Variants in AGPAT4 observed in about 807,000 individuals in gnomAD.
AGPAT4 encodes 1-acylglycerol-3-phosphate O-acyltransferase 4.
In AGPAT4, 15 loss-of-function variants were observed where a neutral mutation model predicts 48.0. The observed-to-expected ratio is 0.31, with a 90% CI of 0.21 to 0.48. The LOEUF (loss-of-function observed/expected upper bound fraction) is 0.48. AGPAT4 is among the 20% of genes least tolerant of loss of function. The pLI is 0.99. For missense variants in AGPAT4, 314 were observed against 482.5 expected, an observed-to-expected ratio of 0.65 and a Z score of 3.27; for synonymous variants, 178 against 198.7, an observed-to-expected ratio of 0.90 and a Z score of 0.88.
intron 2 of AGPAT4, among the ~76,000 whole-genome samples, chr6:161,224,985 G>A (rs1781933324): frequency 6.6e-6 from 1 of 151,972 alleles, no homozygotes; most frequent in African/African-American, 2.4e-5. Context: ...TCGATTACCT[G>A]CTCCACCCTG....
rs904423707 is a variant in AGPAT4, at chr6:161,222,246, T to C, written c.178+9790A>G. 6.6e-6 allele frequency among the ~76,000 whole-genome samples: 1 copy of C among 152,248 alleles called. No homozygotes were observed. The highest frequency in any genetic ancestry group is 2.4e-5 in the African/African-American group (1 of 41,462). On this transcript the variant is annotated intron_variant, in intron 2 of 8. Transcript: ENST00000320285. The surrounding 1 kb of genome is among the most constrained non-coding windows in gnomAD (Gnocchi z 5.9). ...ACAATGGGCTCACTTTATATTTTCCTTTTCTACTCATTCCATAAGCTGTTC... is the reference window on the plus strand; with the variant it reads ...ACAATGGGCTCACTTTATATTTTCCCTTTCTACTCATTCCATAAGCTGTTC...
At position 161,220,271 on chromosome 6, in the gene AGPAT4, G is replaced by A. The variant is rs1397784680; in HGVS notation, c.178+11765C>T. ...CTTTCTCCTAAATAAACAAAAATGT[G>A]TTGGCATGAAGGGTTCATTTTGGAA... is the stretch of plus-strand genomic sequence containing the variant. On this transcript the variant is annotated intron_variant, in intron 2 of 8. Transcript: ENST00000320285. This position sits in a 1 kb window ranked among gnomAD's most constrained non-coding sequence, Gnocchi z 6.0. 2.0e-5 allele frequency among the ~76,000 whole-genome samples: 3 copies of A among 152,126 alleles called. No homozygotes were observed. Among genetic ancestry groups the A allele is most frequent in the African/African-American group, 7.2e-5 (3 of 41,406 alleles).
In AGPAT4 at chr6:161,136,581, C is replaced by T. The variant is rs1779073850; in HGVS notation, c.1096G>A (p.Ala366Thr). The change falls in exon 9 of 9, where the codon GCC becomes ACC. Residue 366 changes from alanine to threonine, a missense_variant. Physicochemically the swap from Ala to Thr is moderately conservative, Grantham distance 58 (BLOSUM62 0). Transcript: ENST00000320285. The part of the protein sequence containing the change: ...IGVTEIDKGS[A>T]YGNSDSKQKL... Reference sequence around the variant, plus strand: ...TGCTTGCTGTCAGAGTTGCCGTAGGCAGAGCCCTTGTCAATTTCCGTCACA... The same window carrying T: ...TGCTTGCTGTCAGAGTTGCCGTAGGTAGAGCCCTTGTCAATTTCCGTCACA... 1.9e-6 allele frequency: 3 copies of T among 1,614,104 alleles called. No homozygotes were observed. Among genetic ancestry groups the T allele is most frequent in the Non-Finnish European group, 2.5e-6 (3 of 1,180,054 alleles).
Position 161,219,863 on chromosome 6 carries a change from A to AGG in AGPAT4, c.178+12172_178+12173insCC. On this transcript the variant is annotated intron_variant, in intron 2 of 8. Coordinates refer to ENST00000320285, the MANE Select transcript of AGPAT4 (RefSeq NM_020133.3). This position sits in a 1 kb window ranked among gnomAD's most constrained non-coding sequence, Gnocchi z 4.9. ...GATAGATAGATAGATAGATAGATAG[A>AGG]TAGATAGATAGGCAGGCAGGCAGGC... 8.4e-6 allele frequency among the ~76,000 whole-genome samples: 1 copy of AGG among 119,310 alleles called. No homozygotes were observed. Among genetic ancestry groups the AGG allele is most frequent in the Non-Finnish European group, 1.7e-5 (1 of 57,546 alleles). The allele number at this position is 119,310 out of a possible 152,430, so 78.3% of individuals were successfully genotyped here.
At chr6:161,260,012 G>A (rs539766953) in intron 1 of AGPAT4, among the ~76,000 whole-genome samples, 65 of 152,202 alleles carry the variant, frequency 4.3e-4, no homozygotes, top group African/African-American at 1.2e-3. Context: ...GGGAGTCTCT[G>A]GAAGTGAACT....
intron 1 of AGPAT4, among the ~76,000 whole-genome samples, chr6:161,260,598 G>A (rs935302527): frequency 7.1e-6 from 1 of 141,234 alleles, no homozygotes; most frequent in African/African-American, 2.7e-5. Context: ...GGAGGTTGCA[G>A]TGAGCCAAGA....
Position 161,153,506 on chromosome 6 carries a change from G to A in AGPAT4, c.511-7C>T, listed in dbSNP as rs747963809. On this transcript the variant is annotated splice_polypyrimidine_tract_variant and splice_region_variant and intron_variant, in intron 4 of 8. Coordinates refer to ENST00000320285, the MANE Select transcript of AGPAT4 (RefSeq NM_020133.3). ...CCTCACAGTGAATCAGGAACTGGAA[G>A]GAAGGAGGCAGGAGTCGCACGCAGC... The A allele has an allele frequency of 2.4e-5, 39 of 1,613,308 alleles. No individual in the cohort carries two copies. Among genetic ancestry groups the A allele is most frequent in the Non-Finnish European group, 3.1e-5 (37 of 1,179,804 alleles).
At chr6:161,179,647 G>A (rs1780531129) in intron 2 of AGPAT4, among the ~76,000 whole-genome samples, 1 of 152,076 alleles carries the variant, frequency 6.6e-6, no homozygotes, top group Non-Finnish European at 1.5e-5. Context: ...TGCCACCCCT[G>A]AGACAGCAAG....
chr6:161,189,316 G>A lies in AGPAT4; in HGVS notation c.179-22899C>T, dbSNP rs561295724. Among the ~76,000 whole-genome samples, 13 of 152,270 alleles carry A rather than the reference G, an allele frequency of 8.5e-5. No homozygotes were observed. Among genetic ancestry groups the A allele is most frequent in the African/African-American group, 3.1e-4 (13 of 41,550 alleles). ...AAGTCTAATGAGTGTGCCAAGACCA[G>A]CAGGGTGCCCTGAGGTCACAGCTCA... On this transcript the variant is annotated intron_variant, in intron 2 of 8. Coordinates refer to ENST00000320285, the MANE Select transcript of AGPAT4 (RefSeq NM_020133.3). This position sits in a 1 kb window ranked among gnomAD's most constrained non-coding sequence, Gnocchi z 5.3.
chr6:161,136,723 G>T (rs1275612271), intron 8 of AGPAT4, 89 bp from the exon 9 acceptor site: 2 of 1,140,540 alleles, frequency 1.8e-6, no homozygotes, highest in East Asian at 2.4e-5. Context: ...GCCCGTGGCC[G>T]CAAATCACAA....
At chr6:161,248,457 C>G (rs1297741901) in intron 1 of AGPAT4, among the ~76,000 whole-genome samples, 3 of 151,568 alleles carry the variant, frequency 2.0e-5, no homozygotes, top group Non-Finnish European at 2.9e-5. Context: ...CCCTGTAGTC[C>G]CAGCTCCTCG....
intron 1 of AGPAT4, among the ~76,000 whole-genome samples, chr6:161,265,436 AG>A (rs1362845826): frequency 2.1e-4 from 31 of 145,702 alleles, no homozygotes; most frequent in Non-Finnish European, 4.1e-4. Flanking sequence ...GGTGCTGACT[AG>A]TACCCACCGC....
chr6:161,187,288 A>G (rs1198332751), intron 2 of AGPAT4, among the ~76,000 whole-genome samples: 3 of 152,128 alleles, frequency 2.0e-5, no homozygotes, highest in African/African-American at 7.2e-5. Context: ...TTCTTCTACC[A>G]TAGAGTGTGC....
chr6:161,267,533 G>C lies in AGPAT4; in HGVS notation c.-90+6405C>G, dbSNP rs1582923524. ...GTTCGAGACCAGCCTGGCCAACATGGGGAAACCCTGTCTCTACTAAAAATA... is the reference window on the plus strand; with the variant it reads ...GTTCGAGACCAGCCTGGCCAACATGCGGAAACCCTGTCTCTACTAAAAATA... On this transcript the variant is annotated intron_variant, in intron 1 of 8. Transcript: ENST00000320285. The surrounding 1 kb of genome is among the most constrained non-coding windows in gnomAD (Gnocchi z 5.2). Among the ~76,000 whole-genome samples the C allele has an allele frequency of 6.6e-6, 1 of 152,058 alleles. No homozygotes were observed. The highest frequency in any genetic ancestry group is 1.9e-4 in the East Asian group (1 of 5,148).
rs923033415 is a variant in AGPAT4, at chr6:161,202,295, T to C, written c.178+29741A>G. 3.9e-5 allele frequency among the ~76,000 whole-genome samples: 6 copies of C among 152,248 alleles called. No individual in the cohort carries two copies. Among genetic ancestry groups the C allele is most frequent in the African/African-American group, 1.4e-4 (6 of 41,554 alleles). The stretch of plus-strand genomic sequence containing the variant: ...TTGCCTGAGGCTGGCAAGGTGGTGC[T>C]GGCTATTGGCTGTAGATCTCAATTC... On this transcript the variant is annotated intron_variant, in intron 2 of 8. Coordinates refer to ENST00000320285, the MANE Select transcript of AGPAT4 (RefSeq NM_020133.3). The surrounding 1 kb of genome is among the most constrained non-coding windows in gnomAD (Gnocchi z 5.4).
intron 1 of AGPAT4, among the ~76,000 whole-genome samples, chr6:161,257,004 G>T (rs916996904): frequency 2.0e-5 from 3 of 152,214 alleles, no homozygotes; most frequent in Admixed American, 2.0e-4. Context: ...CAGTGGGCGT[G>T]GAGGCAGAGG....
chr6:161,209,775 T>C (rs1390559000), intron 2 of AGPAT4, among the ~76,000 whole-genome samples: 2 of 152,134 alleles, frequency 1.3e-5, no homozygotes, highest in African/African-American at 4.8e-5. Flanking sequence ...CCGACGTTTG[T>C]TGAATAAATG....
At position 161,246,506 on chromosome 6, in the gene AGPAT4, T is replaced by C. The variant is rs1015937730; in HGVS notation, c.-89-14204A>G. ...CTCACTGCAACCTCCGCCTCTCAAGTTCAAGCGATTCTCCTGCCTCAGCCT... is the reference window on the plus strand; with the variant it reads ...CTCACTGCAACCTCCGCCTCTCAAGCTCAAGCGATTCTCCTGCCTCAGCCT... On this transcript the variant is annotated intron_variant, in intron 1 of 8. Transcript: ENST00000320285. This position sits in a 1 kb window ranked among gnomAD's most constrained non-coding sequence, Gnocchi z 5.5. 2.0e-5 allele frequency among the ~76,000 whole-genome samples: 3 copies of C among 152,018 alleles called. No homozygotes were observed. The highest frequency in any genetic ancestry group is 4.4e-5 in the Non-Finnish European group (3 of 67,982).
At chr6:161,160,913 C>T (rs1249104761) in intron 3 of AGPAT4, 3 of 431,294 alleles carry the variant, frequency 7.0e-6, no homozygotes, top group African/African-American at 2.0e-5. Flanking sequence ...GTAATAGGAG[C>T]GATTGGCCTC....
Sources: allele counts gnomAD v4.1 joint callset (sites outside exome capture counted in the v4.1 genomes callset), GRCh38; gene constraint gnomAD v4.1.1; non-coding constraint Gnocchi (gnomAD v3.1); transcripts MANE v1.5; gene names NCBI Gene and HGNC (gene_info 2026-07-23, HGNC 2026-07-21).